The following A2ML1 variants were observed in gnomAD, a reference collection of about 807,000 sequenced individuals.
A2ML1 encodes the protein alpha-2-macroglobulin like 1.
Under a neutral mutation model 181.9 loss-of-function variants are expected in A2ML1, and 161 were observed. The observed-to-expected ratio is 0.89, with a 90% CI of 0.78 to 1.01. The LOEUF (loss-of-function observed/expected upper bound fraction) is 1.01. A2ML1 is among the 50% of genes least tolerant of loss of function. The pLI, the probability that A2ML1 is intolerant of heterozygous loss-of-function variation, is 0.00. For missense variants in A2ML1, 1,670 were observed against 1,768.1 expected, an observed-to-expected ratio of 0.94 and a Z score of 1.00; for synonymous variants, 663 against 666.8, an observed-to-expected ratio of 0.99 and a Z score of 0.09.
rs1944128258 is a variant in A2ML1 at position 8,857,984 on chromosome 12, A to G, written c.3146A>G (p.Gln1049Arg). ...AFVTKCFGQA[Q>R]KFIFIDPKNI... ...GTCACAAAATGCTTTGGCCAAGCTC[A>G]GAAATTCATCTTCATTGATCCCAAG... Residue 1049 changes from glutamine (Q) to arginine (R), a missense_variant, in exon 26 of 36, where the codon CAG (glutamine) becomes CGG (arginine). Transcript: ENST00000299698. The G allele has an allele frequency of 3.1e-6, 5 of 1,614,218 alleles. No individual in the cohort carries two copies. The highest frequency in any genetic ancestry group is 4.2e-6 in the Non-Finnish European group (5 of 1,180,046).
At chr12:8,849,892 C>G (rs1943829104) in intron 17 of A2ML1, 133 bp downstream of exon 17, 1 of 815,182 alleles carries the variant, frequency 1.2e-6, no homozygotes, top group African/African-American at 1.7e-5. Context: ...GTCACAGATG[C>G]AGGACAGTTT....
chr12:8,857,195 G>T lies in A2ML1; in HGVS notation c.2880G>T (p.Leu960=), dbSNP rs756851181. 6.2e-7 allele frequency: 1 copy of T among 1,612,686 alleles called. No homozygotes were observed. The change falls in exon 24 of 36, where the codon CTG becomes CTT. Residue 960 remains leucine, a synonymous_variant. Transcript: ENST00000299698. ...GDIMGTALQN[L]DGLVQMPSGC... ...TTATGGGCACAGCCCTGCAGAACCT[G>T]GATGGTCTGGTGCAGATGCCCAGTG...
chr12:8,837,606 G>A (rs759677899), intron 8 of A2ML1, 40 bp downstream of exon 8: 2 of 1,582,694 alleles, frequency 1.3e-6, no homozygotes, highest in Middle Eastern at 2.0e-4. Flanking sequence ...TATCGGCCAG[G>A]CACGGTGGCT....
At position 8,832,979 on chromosome 12, in the gene A2ML1, C is replaced by CTTT. The variant is rs10670476; in HGVS notation, c.463-1673_463-1671dup. Among the ~76,000 whole-genome samples, 21 of 138,674 alleles carry CTTT rather than the reference C, an allele frequency of 1.5e-4. 2 individuals are homozygous for CTTT. Among genetic ancestry groups the CTTT allele is most frequent in the African/African-American group, 2.7e-4 (10 of 37,272 alleles). 91.0% of individuals were successfully genotyped at this position (138,674 alleles called of 152,430 possible). A position where few individuals can be genotyped will look rare whatever the true frequency, so the allele number is the denominator to read the frequency against. On this transcript the variant is annotated intron_variant, in intron 4 of 35. Transcript: ENST00000299698. ...ACTTCCAGTCGGAAATGCTACTTTCCTTTTTTTTTTTTGAGACGGAGTTTC... is the reference window on the plus strand; with the variant it reads ...ACTTCCAGTCGGAAATGCTACTTTCCTTTTTTTTTTTTTTTGAGACGGAGTTTC...
In A2ML1 at chr12:8,863,104, C is replaced by CT. The variant is rs10572999; in HGVS notation, c.3503-676dup. ...TTTTATTCTACTTAAAATGTTAAAT[C>CT]TTTTTTTTTTTTTTGAGACTGGGTT... On this transcript the variant is annotated intron_variant, in intron 28 of 35. Transcript: ENST00000299698. Among the ~76,000 whole-genome samples, 636 of 139,828 alleles carry CT rather than the reference C, an allele frequency of 4.5e-3. 8 individuals are homozygous for CT. The highest frequency in any genetic ancestry group is 0.016 in the African/African-American group (606 of 38,262). 91.7% of individuals were successfully genotyped at this position (139,828 alleles called of 152,430 possible).
At position 8,835,606 on chromosome 12, in the gene A2ML1, A is replaced by T. The variant is rs768576110; in HGVS notation, c.583A>T (p.Thr195Ser). 6.2e-7 allele frequency: 1 copy of T among 1,614,200 alleles called. No individual in the cohort carries two copies. Among genetic ancestry groups the T allele is most frequent in the Non-Finnish European group, 8.5e-7 (1 of 1,180,030 alleles). ...ACTGGCACCAGAGGCAATGCTGGGC[A>T]CCTACACTGTGGCAGTGGCTGAGGG... is the stretch of plus-strand genomic sequence containing the variant. ...FQLAPEAMLG[T>S]YTVAVAEGKT... The change falls in exon 6 of 36, where the codon ACC becomes TCC. Residue 195 changes from threonine to serine, a missense_variant. By Grantham distance (58) the Thr-to-Ser change is moderately conservative. Transcript: ENST00000299698.
rs1305957748 is a variant in A2ML1, at chr12:8,845,422, T to G, written c.1477-20T>G. On this transcript the variant is annotated intron_variant, in intron 12 of 35. Coordinates refer to ENST00000299698, the MANE Select transcript of A2ML1 (RefSeq NM_144670.6). The stretch of plus-strand genomic sequence containing the variant: ...TTACTGTAACTTCTGTGCAGTTGAT[T>G]CTTTTCTTTTCTTCTTTAGTTAATA... 1 of 1,613,346 alleles carries G rather than the reference T, an allele frequency of 6.2e-7. No homozygotes were observed. Among genetic ancestry groups the G allele is most frequent in the Non-Finnish European group, 8.5e-7 (1 of 1,179,462 alleles).
intron 33 of A2ML1, 65 bp from the exon 34 acceptor site, chr12:8,874,360 C>A: frequency 7.8e-7 from 1 of 1,285,238 alleles, no homozygotes; most frequent in Non-Finnish European, 1.1e-6. Context: ...TCTTTTATTC[C>A]ACATTGCATA....
In A2ML1 at chr12:8,854,778, A is replaced by G; in HGVS notation, c.2713-2A>G. 1.2e-6 allele frequency: 2 copies of G among 1,614,026 alleles called. No individual in the cohort carries two copies. The highest frequency in any genetic ancestry group is 1.7e-6 in the Non-Finnish European group (2 of 1,180,002). The stretch of plus-strand genomic sequence containing the variant: ...TTTTATCTGTGTCTCTCTTCATCGC[A>G]GCCTGAGGGAGTCCTGGTGGAGAAG... On this transcript the variant is annotated splice_acceptor_variant, in intron 21 of 35. Coordinates refer to ENST00000299698, the MANE Select transcript of A2ML1 (RefSeq NM_144670.6). LOFTEE classifies it high-confidence loss of function.
At chr12:8,837,332 C>A in intron 7 of A2ML1, 108 bp from the exon 8 acceptor site, 1 of 1,470,982 alleles carries the variant, frequency 6.8e-7, no homozygotes. Context: ...ATTGTCAGAG[C>A]TTTCTTTCAG....
rs1944254769 is a variant in A2ML1, at chr12:8,861,297, G to A, written c.3502G>A (p.Gly1168Arg). Residue 1168 changes from glycine to arginine, a missense_variant and splice_region_variant, in exon 28 of 36, where the codon GGA becomes AGA. Coordinates refer to ENST00000299698, the MANE Select transcript of A2ML1 (RefSeq NM_144670.6). ...KQLDQQAIIS[G>R]ESIYWSQKPT... ...GTTAGATCAACAGGCTATCATCTCA[G>A]GTATGTTGGTCCTGTTGAGAGTTCT... is the stretch of plus-strand genomic sequence containing the variant. The A allele has an allele frequency of 6.2e-7, 1 of 1,613,742 alleles. No homozygotes were observed. Among genetic ancestry groups the A allele is most frequent in the South Asian group, 1.1e-5 (1 of 91,020 alleles).
chr12:8,835,533 G>C lies in A2ML1; in HGVS notation c.510G>C (p.Gln170His). The C allele has an allele frequency of 1.2e-6, 2 of 1,614,186 alleles. No homozygotes were observed. Among genetic ancestry groups the C allele is most frequent in the Non-Finnish European group, 1.7e-6 (2 of 1,180,020 alleles). Reference sequence around the variant, plus strand: ...ATCCAAATAGCAACAGGATTGCACAGTGGCTGGAAGTGGTACCTGAGCAAG... The same window carrying C: ...ATCCAAATAGCAACAGGATTGCACACTGGCTGGAAGTGGTACCTGAGCAAG... The part of the protein sequence containing the change: ...LQDPNSNRIA[Q>H]WLEVVPEQGI... Residue 170 changes from glutamine to histidine, a missense_variant, in exon 6 of 36, where the codon CAG becomes CAC. Coordinates refer to ENST00000299698, the MANE Select transcript of A2ML1 (RefSeq NM_144670.6).
At chr12:8,887,241 G>T (rs768421336), downstream of A2ML1, among the ~76,000 whole-genome samples, 10 of 152,046 alleles carry the variant, frequency 6.6e-5, no homozygotes, top group Non-Finnish European at 1.5e-4. Flanking sequence ...AAAATTAAAA[G>T]AAATTAAATT....
At chr12:8,840,080 C>T (rs866027982) in intron 10 of A2ML1, among the ~76,000 whole-genome samples, 44 of 152,190 alleles carry the variant, frequency 2.9e-4, no homozygotes, top group African/African-American at 1.1e-3. Flanking sequence ...AAATTTCCGG[C>T]AGGGCGTGGT....
At chr12:8,855,641 C>A in intron 23 of A2ML1, 49 bp downstream of exon 23, 1 of 1,587,192 alleles carries the variant, frequency 6.3e-7, no homozygotes, top group Non-Finnish European at 8.6e-7. Context: ...CGAATGGAGG[C>A]TGCAAAGGTG....
rs1472501514 is a variant in A2ML1, at chr12:8,857,928, T to C, written c.3108-18T>C. The stretch of plus-strand genomic sequence containing the variant: ...GGAAATTCCTCTTCATGCCATATTT[T>C]CCTCTTTACCCATGTAGGCTGACAG... On this transcript the variant is annotated intron_variant, in intron 25 of 35. Coordinates refer to ENST00000299698, the MANE Select transcript of A2ML1 (RefSeq NM_144670.6). 6.2e-7 allele frequency: 1 copy of C among 1,610,964 alleles called. No homozygotes were observed. Among genetic ancestry groups the C allele is most frequent in the Admixed American group, 1.7e-5 (1 of 59,378 alleles).
At chr12:8,862,154 G>A (rs1189269892) in intron 28 of A2ML1, among the ~76,000 whole-genome samples, 2 of 152,140 alleles carry the variant, frequency 1.3e-5, no homozygotes, top group African/African-American at 4.8e-5. Flanking sequence ...GGAGATCTTT[G>A]AAAGTGCTTT....
At chr12:8,861,966 A>T (rs1944282611) in intron 28 of A2ML1, among the ~76,000 whole-genome samples, 1 of 148,180 alleles carries the variant, frequency 6.7e-6, no homozygotes, top group Non-Finnish European at 1.5e-5. Flanking sequence ...CGCCCTGTTG[A>T]CCAGGGTGGT....
rs1592116021 is a variant in A2ML1, at chr12:8,838,587, G to A, written c.970+137G>A. Reference sequence around the variant, plus strand: ...ACCTTGTTCCTAGTTCATAGTCAAGGGGAAATACCAGATCCCATCTTGCCA... The same window carrying A: ...ACCTTGTTCCTAGTTCATAGTCAAGAGGAAATACCAGATCCCATCTTGCCA... On this transcript the variant is annotated intron_variant, in intron 9 of 35. Transcript: ENST00000299698. The A allele has an allele frequency of 1.2e-5, 7 of 595,350 alleles. No individual in the cohort carries two copies. In the East Asian group the frequency reaches 2.1e-4, roughly 18 times the overall value. The allele number at this position is 595,350 out of a possible 1,614,324, so 36.9% of individuals were successfully genotyped here. A position where few individuals can be genotyped will look rare whatever the true frequency, so the allele number is the denominator to read the frequency against.
Sources: gnomAD v4.1 joint callset for allele counts (sites outside exome capture counted in the v4.1 genomes callset) on GRCh38, gnomAD v4.1.1 for gene constraint, MANE v1.5 for transcripts, NCBI Gene and HGNC (gene_info 2026-07-23, HGNC 2026-07-21) for gene names.